The following DOCK9 variants were observed in gnomAD, a reference collection of about 807,000 sequenced individuals.
The protein encoded by DOCK9 is dedicator of cytokinesis 9.
A neutral mutation model predicts 263.3 loss-of-function variants in DOCK9; 89 were observed. That is an observed-to-expected ratio of 0.34 (90% CI 0.28 to 0.40). The LOEUF (loss-of-function observed/expected upper bound fraction) is 0.40, where lower values mean the gene tolerates loss of function less well. Among genes scored for constraint, DOCK9 ranks in the 10% least tolerant of loss-of-function variants. The probability of loss-of-function intolerance (pLI) is 1.00; values close to 1 mark genes in which losing one functional copy is unlikely to be tolerated. For synonymous variants in DOCK9, 976 were observed against 973.1 expected (o/e 1.00, Z -0.06); for missense variants, 2,140 against 2,603.4 (o/e 0.82, Z 3.87).
At position 98,989,316 on chromosome 13, in the gene DOCK9, A is replaced by AATGATG. The variant is rs10536129; in HGVS notation, c.130-33771_130-33766dup. ...TTTTGGGAGCTTGAAAATTAATAAT[A>AATGATG]ATGATGATGATGATGATGATGATGA... On this transcript the variant is annotated intron_variant, in intron 1 of 32. Transcript: ENST00000427887. Among the ~76,000 whole-genome samples, 340 of 138,156 alleles carry AATGATG rather than the reference A, an allele frequency of 2.5e-3. 4 individuals carry two copies. In the East Asian group the frequency reaches 0.034, roughly 14 times the overall value. 90.6% of individuals were successfully genotyped at this position (138,156 alleles called of 152,430 possible).
intron 27 of DOCK9, among the ~76,000 whole-genome samples, chr13:98,876,713 C>G (rs2043913308): frequency 1.3e-5 from 2 of 152,142 alleles, no homozygotes; most frequent in East Asian, 3.9e-4. Context: ...ACGAGACACA[C>G]TGAATGAAGG....
At chr13:99,016,085 GA>G (rs1446958125) in intron 1 of DOCK9, 1 of 152,662 alleles carries the variant, frequency 6.6e-6, no homozygotes, top group Non-Finnish European at 1.5e-5. Context: ...TCTGCTGCAA[GA>G]AATCGCTCTC....
At chr13:98,935,727 C>G (rs1465590612) in intron 2 of DOCK9, among the ~76,000 whole-genome samples, 1 of 152,142 alleles carries the variant, frequency 6.6e-6, no homozygotes, top group Non-Finnish European at 1.5e-5. Flanking sequence ...AAGACCACGC[C>G]ACTGCACTCC....
At chr13:99,013,259 A>G (rs112789650) in intron 1 of DOCK9, among the ~76,000 whole-genome samples, 273 of 152,190 alleles carry the variant, frequency 1.8e-3, no homozygotes, top group African/African-American at 5.8e-3. Flanking sequence ...GTGTGTCAAC[A>G]TATGTCTGGC....
At chr13:98,796,769 A>AAAGGAT (rs2089463389) in intron 52 of DOCK9, among the ~76,000 whole-genome samples, 2 of 152,218 alleles carry the variant, frequency 1.3e-5, no homozygotes, top group African/African-American at 2.4e-5. Flanking sequence ...GATTAAAGGA[A>AAAGGAT]TAAAGTTGTC....
At chr13:98,872,258 G>A (rs920806710) in intron 27 of DOCK9, among the ~76,000 whole-genome samples, 4 of 152,062 alleles carry the variant, frequency 2.6e-5, no homozygotes, top group African/African-American at 9.7e-5. Context: ...CTTTCTCTTT[G>A]TGGCTTAGCA....
At chr13:98,868,918 A>G (rs2094119292) in intron 27 of DOCK9, among the ~76,000 whole-genome samples, 1 of 152,200 alleles carries the variant, frequency 6.6e-6, no homozygotes, top group African/African-American at 2.4e-5. Flanking sequence ...AAGATCACCT[A>G]AAAAGTGTTT....
At position 99,078,644 on chromosome 13, in the gene DOCK9, C is replaced by T. The variant is rs527777098; in HGVS notation, c.129+7579G>A. ...GGCAGAGCCTGTGACAGATAGCCTC[C>T]GGCATCTCAGAAACTCCCAGCCCTC... On this transcript the variant is annotated intron_variant, in intron 1 of 32. Transcript: ENST00000427887. Among the ~76,000 whole-genome samples, 8 of 152,236 alleles carry T rather than the reference C, an allele frequency of 5.3e-5. No individual in the cohort carries two copies. The South Asian group carries it at 8.3e-4, about 16-fold the overall frequency.
At chr13:99,026,366 T>C (rs16956255) in intron 1 of DOCK9, among the ~76,000 whole-genome samples, 22,588 of 152,230 alleles carry the variant, frequency 0.15, 2,409 homozygotes, top group East Asian at 0.43. Flanking sequence ...CTCTTGAAAG[T>C]ACCCTAATTT....
chr13:98,809,723 A>G (rs1423340157), intron 46 of DOCK9, among the ~76,000 whole-genome samples: 4 of 152,234 alleles, frequency 2.6e-5, no homozygotes, highest in Non-Finnish European at 4.4e-5. Flanking sequence ...ATGCGATGTC[A>G]GAGATGGTTC....
intron 15 of DOCK9, among the ~76,000 whole-genome samples, chr13:98,893,735 T>C (rs2046976510): frequency 6.6e-6 from 1 of 152,284 alleles, no homozygotes; most frequent in East Asian, 1.9e-4. Flanking sequence ...CTGTAAAATA[T>C]ACAGAGGAAA....
chr13:98,946,591 C>A (rs990460546), intron 2 of DOCK9, among the ~76,000 whole-genome samples: 2 of 152,166 alleles, frequency 1.3e-5, no homozygotes, highest in Non-Finnish European at 2.9e-5. Flanking sequence ...AGACCCCATG[C>A]GGAACCCTGC....
chr13:98,976,920 C>T (rs1466091567), intron 1 of DOCK9, among the ~76,000 whole-genome samples: 3 of 138,474 alleles, frequency 2.2e-5, no homozygotes, highest in African/African-American at 5.5e-5. Context: ...GTAACATCAA[C>T]TGAACCTCCA....
At chr13:99,086,799 G>C (rs1262897221), upstream of DOCK9, among the ~76,000 whole-genome samples, 1 of 149,776 alleles carries the variant, frequency 6.7e-6, no homozygotes, top group Non-Finnish European at 1.5e-5. Context: ...GCTGGAGCTA[G>C]GCGGCCGGAC....
chr13:99,073,360 T>TCTCCTCTC (rs2041770505), intron 1 of DOCK9, among the ~76,000 whole-genome samples: 1 of 141,300 alleles, frequency 7.1e-6, no homozygotes, highest in African/African-American at 2.6e-5. Flanking sequence ...TCTTCTTCTT[T>TCTCCTCTC]TCTCTCTCTC....
At chr13:99,038,303 T>TCGC (rs1888131315) in intron 1 of DOCK9, among the ~76,000 whole-genome samples, 1 of 129,890 alleles carries the variant, frequency 7.7e-6, no homozygotes, top group Non-Finnish European at 1.6e-5. Flanking sequence ...TTTTTTTTTT[T>TCGC]TTTTTTTTTT....
intron 45 of DOCK9, among the ~76,000 whole-genome samples, chr13:98,815,459 G>A (rs1420032539): frequency 9.2e-5 from 14 of 152,060 alleles, no homozygotes; most frequent in African/African-American, 3.1e-4. Flanking sequence ...AAAGAGAAAT[G>A]TAAAATTTTT....
At chr13:98,875,589 G>A (rs2043698274) in intron 27 of DOCK9, among the ~76,000 whole-genome samples, 1 of 152,224 alleles carries the variant, frequency 6.6e-6, no homozygotes, top group Non-Finnish European at 1.5e-5. Context: ...AAAGCAGTCT[G>A]CTGAAATTAC....
chr13:99,027,849 C>T (rs1392203636), intron 1 of DOCK9, among the ~76,000 whole-genome samples: 3 of 152,206 alleles, frequency 2.0e-5, no homozygotes, highest in African/African-American at 7.2e-5. Context: ...TCTCTCAGCA[C>T]TTGGAATTCA....
Sources: gnomAD v4.1 joint callset for allele counts (sites outside exome capture counted in the v4.1 genomes callset) on GRCh38, gnomAD v4.1.1 for gene constraint, MANE v1.5 for transcripts, NCBI Gene and HGNC (gene_info 2026-07-23, HGNC 2026-07-21) for gene names.